Variants in NOC2L observed in about 807,000 individuals in gnomAD.
The protein encoded by NOC2L is NOC2 like nucleolar associated transcriptional repressor.
Under a neutral mutation model 94.2 loss-of-function variants are expected in NOC2L, and 101 were observed. The ratio of observed to expected loss-of-function variants is 1.07; its 90% confidence interval spans 0.91 to 1.26. The LOEUF (loss-of-function observed/expected upper bound fraction) is 1.26, where lower values mean the gene tolerates loss of function less well. NOC2L is among the 50% of genes most tolerant of loss of function. The probability of loss-of-function intolerance (pLI) is 0.00; values close to 1 mark genes in which losing one functional copy is unlikely to be tolerated. For synonymous variants in NOC2L, 531 were observed against 413.4 expected (o/e 1.28, Z -3.45); for missense variants, 1,076 against 980.1 (o/e 1.10, Z -1.31).
chr1:953,726 A>G (rs1231358490), intron 8 of NOC2L, 56 bp downstream of exon 8: 1 of 1,272,572 alleles, frequency 7.9e-7, no homozygotes, highest in Non-Finnish European at 1.1e-6. Context: ...TGGTGGGGGT[A>G]GCCGTGTGGC....
intron 14 of NOC2L, among the ~76,000 whole-genome samples, 199 bp downstream of exon 14, chr1:947,932 C>G (rs1314822102): frequency 6.6e-6 from 1 of 152,258 alleles, no homozygotes; most frequent in Non-Finnish European, 1.5e-5. Context: ...CTGCCCAGGC[C>G]TGCCCCCAAA....
intron 4 of NOC2L, 108 bp from the exon 5 acceptor site, chr1:956,323 G>A: frequency 1.5e-6 from 2 of 1,332,184 alleles, no homozygotes; most frequent in Admixed American, 2.0e-5. Flanking sequence ...CTCAGACATA[G>A]GGCAGAGGTT....
At chr1:956,857 C>G (rs137904446) in intron 4 of NOC2L, 37 bp downstream of exon 4, 1 of 1,611,156 alleles carries the variant, frequency 6.2e-7, no homozygotes, top group African/African-American at 1.3e-5. Context: ...AGATTTCTGC[C>G]TGGGCACCCA....
chr1:952,319 G>A (rs1362367970), intron 10 of NOC2L, 93 bp downstream of exon 10: 76 of 1,495,762 alleles, frequency 5.1e-5, no homozygotes, highest in Non-Finnish European at 6.4e-5. Flanking sequence ...CCAGACAGGG[G>A]CTTCGGGGAG....
intron 4 of NOC2L, 78 bp downstream of exon 4, chr1:956,802 AGCTGCCCGCCCCTC>A: frequency 1.3e-6 from 2 of 1,564,842 alleles, no homozygotes; most frequent in Middle Eastern, 4.6e-4. Context: ...CTGGGCACCC[AGCTGCCCGCCCCTC>A]GCTGCTGCTC....
At chr1:951,262 G>T (rs770457111) in intron 11 of NOC2L, 24 bp from the exon 12 acceptor site, 2 of 1,532,014 alleles carry the variant, frequency 1.3e-6, no homozygotes, top group East Asian at 2.4e-5. Flanking sequence ...GGCCGAGTGA[G>T]CAGAGGCCCC....
intron 6 of NOC2L, 65 bp downstream of exon 6, chr1:955,858 G>C (rs1163317300): frequency 7.3e-7 from 1 of 1,372,306 alleles, no homozygotes; most frequent in Non-Finnish European, 1.0e-6. Context: ...AAGGCCTCTG[G>C]CTTCTCCTGT....
Position 953,997 on chromosome 1 carries a change from A to C in NOC2L, c.777+7T>G. 6.2e-7 allele frequency: 1 copy of C among 1,605,764 alleles called. No homozygotes were observed. The highest frequency in any genetic ancestry group is 8.5e-7 in the Non-Finnish European group (1 of 1,175,004). On this transcript the variant is annotated splice_region_variant and intron_variant, in intron 7 of 18. Coordinates refer to ENST00000327044, the MANE Select transcript of NOC2L (RefSeq NM_015658.4). ...AGGCCCCCGTGCCCTCCCCACCAGA[A>C]TAGCACCTGTATGGCCGAGCCCAGG...
At position 944,259 on chromosome 1, in the gene NOC2L, CAAA is replaced by C. The variant is rs1642013389; in HGVS notation, c.*432_*434del. On this transcript the variant is annotated 3_prime_UTR_variant, in exon 19 of 19. Coordinates refer to ENST00000327044, the MANE Select transcript of NOC2L (RefSeq NM_015658.4). ...ATTTCTTTCGGTTTCGGATGCAAAA[CAAA>C]AAATTTTAAAAGAAAATGTGACTTC... is the stretch of plus-strand genomic sequence containing the variant. 4 of 1,452,986 alleles carry C rather than the reference CAAA, an allele frequency of 2.8e-6. No homozygotes were observed. In the East Asian group the frequency reaches 9.9e-5, roughly 36 times the overall value. The allele number at this position is 1,452,986 out of a possible 1,614,324, so 90.0% of individuals were successfully genotyped here. A position where few individuals can be genotyped will look rare whatever the true frequency, so the allele number is the denominator to read the frequency against.
chr1:949,914 C>T (rs1395126679), intron 12 of NOC2L, among the ~76,000 whole-genome samples: 1 of 152,222 alleles, frequency 6.6e-6, no homozygotes, highest in Non-Finnish European at 1.5e-5. Flanking sequence ...TGTGACACGA[C>T]TCTGGGCCTT....
intron 10 of NOC2L, 115 bp downstream of exon 10, chr1:952,297 G>C: frequency 7.0e-7 from 1 of 1,430,488 alleles, no homozygotes; most frequent in Admixed American, 1.9e-5. Context: ...GCACCAGGGT[G>C]CTGGGCTGTC....
At chr1:948,826 G>A (rs551786029) in intron 12 of NOC2L, among the ~76,000 whole-genome samples, 37 of 152,024 alleles carry the variant, frequency 2.4e-4, no homozygotes, top group African/African-American at 8.0e-4. Flanking sequence ...GCGTGTCCCC[G>A]AGTGGGGCTC....
chr1:951,707 A>C (rs762681485), intron 11 of NOC2L, among the ~76,000 whole-genome samples: 1 of 152,226 alleles, frequency 6.6e-6, no homozygotes, highest in Non-Finnish European at 1.5e-5. Flanking sequence ...CCACGTAATG[A>C]ACCAAACTCA....
Position 945,654 on chromosome 1 carries a change from C to A in NOC2L, c.1918-1G>T. The A allele has an allele frequency of 6.2e-7, 1 of 1,614,156 alleles. No homozygotes were observed. The highest frequency in any genetic ancestry group is 2.2e-5 in the East Asian group (1 of 44,884). On this transcript the variant is annotated splice_acceptor_variant, in intron 16 of 18. Transcript: ENST00000327044. LOFTEE classifies it high-confidence loss of function. ...TCTCAGGGAAGTTCAGGTCTTCCAG[C>A]TGGAAGGCCAAAGAACCAGGGGCTC... is the stretch of plus-strand genomic sequence containing the variant.
intron 12 of NOC2L, among the ~76,000 whole-genome samples, chr1:949,434 C>T (rs1027335618): frequency 9.2e-5 from 14 of 152,116 alleles, no homozygotes; most frequent in Admixed American, 7.9e-4. Flanking sequence ...TAGCCTGGGC[C>T]AAAAGTATGG....
At chr1:945,721 GCATCGCCAGAC>G (rs1325661986) in intron 16 of NOC2L, 68 bp from the exon 17 acceptor site, 1 of 1,605,204 alleles carries the variant, frequency 6.2e-7, no homozygotes, top group Non-Finnish European at 8.5e-7. Flanking sequence ...GCAGGGCCAG[GCATCGCCAGAC>G]CCACCACCAG....
chr1:952,169 G>C, intron 10 of NOC2L, 30 bp from the exon 11 acceptor site: 1 of 1,612,120 alleles, frequency 6.2e-7, no homozygotes, highest in Non-Finnish European at 8.5e-7. Flanking sequence ...TCAGCTACTG[G>C]CCAGGCTGAC....
chr1:946,631 T>C, intron 14 of NOC2L, 86 bp from the exon 15 acceptor site: 1 of 1,505,806 alleles, frequency 6.6e-7, no homozygotes, highest in Admixed American at 1.8e-5. Context: ...CCACGCGTGG[T>C]GGCCACGGGG....
At chr1:951,527 C>A (rs1169232094) in intron 11 of NOC2L, among the ~76,000 whole-genome samples, 1 of 152,208 alleles carries the variant, frequency 6.6e-6, no homozygotes, top group Non-Finnish European at 1.5e-5. Flanking sequence ...CACCTCCCTT[C>A]CCAGCCTTGA....
Sources: allele counts gnomAD v4.1 joint callset (sites outside exome capture counted in the v4.1 genomes callset), GRCh38; gene constraint gnomAD v4.1.1; transcripts MANE v1.5; gene names NCBI Gene and HGNC (gene_info 2026-07-23, HGNC 2026-07-21).